PLCL2: variants seen among roughly 807,000 people sequenced by gnomAD.
The protein encoded by PLCL2 is phospholipase C like 2, also known as inactive phospholipase C-like protein 2.
In PLCL2, 4 loss-of-function variants were observed where a neutral mutation model predicts 79.6. That is an observed-to-expected ratio of 0.05 (90% CI 0.02 to 0.11). The LOEUF (loss-of-function observed/expected upper bound fraction) is 0.11, where lower values mean the gene tolerates loss of function less well. Among genes scored for constraint, PLCL2 ranks in the 10% least tolerant of loss-of-function variants. PLCL2 has a pLI of 1.00. For missense variants in PLCL2, 895 were observed against 1,291.0 expected, an observed-to-expected ratio of 0.69 and a Z score of 4.70; for synonymous variants, 484 against 457.7, an observed-to-expected ratio of 1.06 and a Z score of -0.73.
chr3:16,926,734 C>T lies in PLCL2; in HGVS notation c.327+41368C>T, dbSNP rs377672554. ...GCAGGCTCTGCCTCCTGGATTCACGCCATTCTCCTGCTTCAGCCTCCCGAG... is the reference window on the plus strand; with the variant it reads ...GCAGGCTCTGCCTCCTGGATTCACGTCATTCTCCTGCTTCAGCCTCCCGAG... On this transcript the variant is annotated intron_variant, in intron 1 of 5. Coordinates refer to ENST00000615277, the MANE Select transcript of PLCL2 (RefSeq NM_001144382.2). Among the ~76,000 whole-genome samples, 7 of 152,058 alleles carry T rather than the reference C, an allele frequency of 4.6e-5. 1 individual carries two copies.
intron 3 of PLCL2, among the ~76,000 whole-genome samples, chr3:17,038,882 G>T (rs1448592307): frequency 1.3e-5 from 2 of 152,134 alleles, no homozygotes; most frequent in East Asian, 3.9e-4. Flanking sequence ...TAATGGTTTT[G>T]TGGGAAAAGC....
At chr3:16,925,980 T>C (rs1029069912) in intron 1 of PLCL2, among the ~76,000 whole-genome samples, 2 of 152,234 alleles carry the variant, frequency 1.3e-5, no homozygotes, top group African/African-American at 4.8e-5. Flanking sequence ...CAATTTGCTT[T>C]TAGGTGACAA....
intron 1 of PLCL2, among the ~76,000 whole-genome samples, chr3:16,991,432 G>A (rs2064104504): frequency 6.6e-6 from 1 of 152,182 alleles, no homozygotes. Context: ...ACCTCTCTGA[G>A]TGCTGTGAGC....
At chr3:17,040,345 G>A (rs980977907) in intron 3 of PLCL2, among the ~76,000 whole-genome samples, 1 of 152,120 alleles carries the variant, frequency 6.6e-6, no homozygotes, top group Admixed American at 6.5e-5. Context: ...TAGCTGGAAG[G>A]TGCATAATTA....
intron 4 of PLCL2, among the ~76,000 whole-genome samples, chr3:17,053,363 G>C (rs906647292): frequency 2.0e-5 from 3 of 152,098 alleles, no homozygotes; most frequent in Non-Finnish European, 4.4e-5. Context: ...GAACTCAAAA[G>C]GGGGGATGGT....
At chr3:16,959,222 C>G (rs2063733191) in intron 1 of PLCL2, among the ~76,000 whole-genome samples, 1 of 152,174 alleles carries the variant, frequency 6.6e-6, no homozygotes, top group Admixed American at 6.5e-5. Context: ...CCTCTTGCCT[C>G]TTAGTCTCTT....
chr3:17,002,730 G>T (rs967680865), intron 1 of PLCL2, among the ~76,000 whole-genome samples: 2 of 151,926 alleles, frequency 1.3e-5, no homozygotes, highest in African/African-American at 2.4e-5. Context: ...TTGTTTTCAC[G>T]TATGTTAGAT....
chr3:17,053,492 T>C (rs1348471445), intron 4 of PLCL2, among the ~76,000 whole-genome samples: 1 of 152,136 alleles, frequency 6.6e-6, no homozygotes, highest in Non-Finnish European at 1.5e-5. Flanking sequence ...ATTCAAACCA[T>C]TTATTCTGCC....
intron 1 of PLCL2, among the ~76,000 whole-genome samples, chr3:16,920,482 CT>C (rs1214783866): frequency 3.3e-5 from 5 of 151,938 alleles, no homozygotes; most frequent in Non-Finnish European, 7.4e-5. Context: ...TAAATTCTCA[CT>C]TATTGAGAAT....
At chr3:16,944,771 T>A (rs1309970739) in intron 1 of PLCL2, among the ~76,000 whole-genome samples, 1 of 152,042 alleles carries the variant, frequency 6.6e-6, no homozygotes, top group Admixed American at 6.5e-5. Flanking sequence ...TTTTTTTTTT[T>A]TTATTTGAGA....
intron 1 of PLCL2, among the ~76,000 whole-genome samples, chr3:16,952,255 G>T (rs2063660470): frequency 6.8e-6 from 1 of 146,604 alleles, no homozygotes; most frequent in Non-Finnish European, 1.5e-5. Context: ...TAGATGACAG[G>T]TTGATAGGTG....
intron 3 of PLCL2, among the ~76,000 whole-genome samples, chr3:17,028,422 C>T (rs943380064): frequency 4.6e-5 from 7 of 152,132 alleles, no homozygotes; most frequent in African/African-American, 1.4e-4. Flanking sequence ...CTATTCACCT[C>T]CTTCTTATAC....
At chr3:17,050,059 G>A (rs1172040042) in intron 4 of PLCL2, among the ~76,000 whole-genome samples, 2 of 152,128 alleles carry the variant, frequency 1.3e-5, no homozygotes, top group Non-Finnish European at 1.5e-5. Flanking sequence ...TTTGACAAGG[G>A]TGTCAAGATT....
intron 1 of PLCL2, among the ~76,000 whole-genome samples, chr3:16,895,579 A>G (rs1696461486): frequency 6.6e-6 from 1 of 152,222 alleles, no homozygotes; most frequent in Non-Finnish European, 1.5e-5. Flanking sequence ...AAGTCCTTAT[A>G]TACTTACCAC....
At chr3:16,961,343 G>C (rs2063752670) in intron 1 of PLCL2, among the ~76,000 whole-genome samples, 1 of 152,182 alleles carries the variant, frequency 6.6e-6, no homozygotes, top group South Asian at 2.1e-4. Flanking sequence ...CCTACTGTGT[G>C]TCAGGCCATG....
intron 1 of PLCL2, among the ~76,000 whole-genome samples, chr3:16,997,966 A>G (rs764684625): frequency 3.9e-5 from 6 of 152,188 alleles, no homozygotes; most frequent in South Asian, 2.1e-4. Flanking sequence ...CAGTGGGGCA[A>G]TTCTCCTTAA....
At position 17,025,140 on chromosome 3, in the gene PLCL2, T is replaced by C. The variant is rs146949458; in HGVS notation, c.3018+10229T>C. On this transcript the variant is annotated intron_variant, in intron 3 of 5. Transcript: ENST00000615277. ...TGTTCACTGCACCTGTGAATGAAGA[T>C]GGAACATATTCAGGTTAGAGTTTAG... 6.3e-3 allele frequency among the ~76,000 whole-genome samples: 964 copies of C among 152,314 alleles called. 5 individuals carry two copies. The highest frequency in any genetic ancestry group is 0.019 in the African/African-American group (797 of 41,576).
At chr3:17,052,317 C>T (rs2064850978) in intron 4 of PLCL2, among the ~76,000 whole-genome samples, 1 of 150,604 alleles carries the variant, frequency 6.6e-6, no homozygotes, top group Non-Finnish European at 1.5e-5. Flanking sequence ...ATGGACACCA[C>T]ACCAGAGGAA....
intron 4 of PLCL2, among the ~76,000 whole-genome samples, chr3:17,053,573 A>G (rs1339965264): frequency 6.6e-6 from 1 of 152,198 alleles, no homozygotes; most frequent in South Asian, 2.1e-4. Context: ...TAATCCCCCA[A>G]AGTCTTAACT....
Sources: gnomAD v4.1 joint callset for allele counts (sites outside exome capture counted in the v4.1 genomes callset) on GRCh38, gnomAD v4.1.1 for gene constraint, MANE v1.5 for transcripts, NCBI Gene and HGNC (gene_info 2026-07-23, HGNC 2026-07-21) for gene names.